VPS26C: variants seen among roughly 807,000 people sequenced by gnomAD.
The protein encoded by VPS26C is VPS26 endosomal protein sorting factor C, also known as vacuolar protein sorting-associated protein 26C.
In VPS26C, 19 loss-of-function variants were observed where a neutral mutation model predicts 30.6. The observed-to-expected ratio is 0.62, with a 90% CI of 0.43 to 0.91. VPS26C has a LOEUF of 0.91. VPS26C is among the 40% of genes least tolerant of loss of function. The pLI, the probability that VPS26C is intolerant of heterozygous loss-of-function variation, is 0.00. For missense variants in VPS26C, 318 were observed against 385.1 expected, an observed-to-expected ratio of 0.83 and a Z score of 1.46; for synonymous variants, 132 against 151.5, an observed-to-expected ratio of 0.87 and a Z score of 0.95.
chr21:37,251,153 G>A (rs79088352), intron 1 of VPS26C, among the ~76,000 whole-genome samples: 2,263 of 152,268 alleles, frequency 0.015, 57 homozygotes, highest in African/African-American at 0.052. Flanking sequence ...AACCTGAAAT[G>A]TTGCAACCTC....
At chr21:37,225,720 C>T (rs1034505337) in intron 7 of VPS26C, 94 bp from the exon 8 acceptor site, 9 of 1,049,752 alleles carry the variant, frequency 8.6e-6, no homozygotes, top group Admixed American at 1.9e-5. Flanking sequence ...GCTCTAACGG[C>T]GAAGGAGCAC....
Position 37,226,041 on chromosome 21 carries a change from T to G in VPS26C, c.812-415A>C. The stretch of plus-strand genomic sequence containing the variant: ...ACCAGCGCATAGCTGTCTGGGCCCA[T>G]GTCCCCAATCCCCAGGTGAGAAACA... On this transcript the variant is annotated intron_variant, in intron 7 of 7. Coordinates refer to ENST00000309117, the MANE Select transcript of VPS26C (RefSeq NM_006052.2). The surrounding 1 kb of genome is among the most constrained non-coding windows in gnomAD (Gnocchi z 4.1). The G allele has an allele frequency of 1.1e-5, 2 of 183,138 alleles. No homozygotes were observed. Among genetic ancestry groups the G allele is most frequent in the Non-Finnish European group, 2.3e-5 (2 of 85,128 alleles). 11.3% of individuals were successfully genotyped at this position (183,138 alleles called of 1,614,324 possible). A position where few individuals can be genotyped will look rare whatever the true frequency, so the allele number is the denominator to read the frequency against.
chr21:37,266,464 A>C (rs1009689281), intron 1 of VPS26C, among the ~76,000 whole-genome samples: 3 of 152,128 alleles, frequency 2.0e-5, no homozygotes, highest in African/African-American at 7.2e-5. Context: ...TATCGCTGGG[A>C]GTGGAACCCA....
Position 37,223,645 on chromosome 21 carries a change from T to C in VPS26C, c.*1899A>G, listed in dbSNP as rs150633047. ...AATGTCAGGTGAGCATAAAAGGAGA[T>C]TATAAACCAGAAATGTGTTTTCTGG... On this transcript the variant is annotated 3_prime_UTR_variant, in exon 8 of 8. Transcript: ENST00000309117. 174 of 152,342 alleles carry C rather than the reference T, an allele frequency of 1.1e-3. No individual in the cohort carries two copies. Among genetic ancestry groups the C allele is most frequent in the African/African-American group, 4.1e-3 (169 of 41,576 alleles). The allele number at this position is 152,342 out of a possible 1,614,324, so 9.4% of individuals were successfully genotyped here.
At chr21:37,258,970 A>C (rs1358577108) in intron 1 of VPS26C, among the ~76,000 whole-genome samples, 1 of 152,228 alleles carries the variant, frequency 6.6e-6, no homozygotes, top group Non-Finnish European at 1.5e-5. Flanking sequence ...AGTTTAGGTT[A>C]TGATTTAACA....
chr21:37,241,902 T>C (rs1420294819), intron 1 of VPS26C, among the ~76,000 whole-genome samples: 2 of 152,244 alleles, frequency 1.3e-5, no homozygotes, highest in African/African-American at 4.8e-5. Flanking sequence ...TTAAATCTGC[T>C]TATCTTTTAT....
intron 1 of VPS26C, among the ~76,000 whole-genome samples, chr21:37,258,325 C>A (rs888530905): frequency 1.3e-5 from 2 of 151,806 alleles, no homozygotes; most frequent in Non-Finnish European, 2.9e-5. Context: ...GTCTCCGTGC[C>A]CTGCCATTCA....
chr21:37,235,084 G>A (rs989671346), intron 3 of VPS26C, among the ~76,000 whole-genome samples: 1 of 151,758 alleles, frequency 6.6e-6, no homozygotes, highest in Non-Finnish European at 1.5e-5. Context: ...TCGGCTCACT[G>A]CAAACTCTGC....
intron 3 of VPS26C, among the ~76,000 whole-genome samples, chr21:37,235,399 G>T (rs2086009663): frequency 6.6e-6 from 1 of 152,200 alleles, no homozygotes; most frequent in Admixed American, 6.5e-5. Flanking sequence ...CTCCCAAACT[G>T]CTGGGATTAC....
chr21:37,258,223 C>T (rs966881213), intron 1 of VPS26C, among the ~76,000 whole-genome samples: 1 of 152,236 alleles, frequency 6.6e-6, no homozygotes, highest in Non-Finnish European at 1.5e-5. Context: ...GCACCGATTG[C>T]GCAGGAGGCA....
At position 37,225,480 on chromosome 21, in the gene VPS26C, G is replaced by A. The variant is rs2085889014; in HGVS notation, c.*64C>T. The A allele has an allele frequency of 7.0e-7, 1 of 1,422,532 alleles. No homozygotes were observed. The highest frequency in any genetic ancestry group is 1.2e-5 in the South Asian group (1 of 86,882). 88.1% of individuals were successfully genotyped at this position (1,422,532 alleles called of 1,614,324 possible). A position where few individuals can be genotyped will look rare whatever the true frequency, so the allele number is the denominator to read the frequency against. On this transcript the variant is annotated 3_prime_UTR_variant, in exon 8 of 8. Transcript: ENST00000309117. ...TGCCGCTGGCTGTAGCTCCCCTTAG[G>A]ATTTGGATAACCAGCTGGATTTCCA...
chr21:37,238,968 G>A (rs1033226548), intron 2 of VPS26C, among the ~76,000 whole-genome samples: 1 of 152,188 alleles, frequency 6.6e-6, no homozygotes, highest in Non-Finnish European at 1.5e-5. Flanking sequence ...CAGGGTTGAC[G>A]TGTGAACCCA....
intron 1 of VPS26C, among the ~76,000 whole-genome samples, chr21:37,253,866 A>G (rs1456737996): frequency 6.6e-6 from 1 of 152,216 alleles, no homozygotes; most frequent in Non-Finnish European, 1.5e-5. Flanking sequence ...CTCAACCATT[A>G]AATATCTACA....
chr21:37,248,461 T>C (rs1369358996), intron 1 of VPS26C, among the ~76,000 whole-genome samples: 1 of 151,944 alleles, frequency 6.6e-6, no homozygotes, highest in Non-Finnish European at 1.5e-5. Context: ...TAAAAGATAA[T>C]ATTCAACACT....
intron 1 of VPS26C, among the ~76,000 whole-genome samples, chr21:37,265,852 G>A (rs1165091654): frequency 6.7e-6 from 1 of 150,014 alleles, no homozygotes. Flanking sequence ...GTTCATTGTT[G>A]TGCTTGGCTA....
chr21:37,246,723 T>C (rs1177948681), intron 1 of VPS26C, among the ~76,000 whole-genome samples: 1 of 152,190 alleles, frequency 6.6e-6, no homozygotes, highest in Non-Finnish European at 1.5e-5. Flanking sequence ...GGCTTTCCCA[T>C]CTTTGATGGC....
chr21:37,261,083 A>G (rs947602043), intron 1 of VPS26C: 5 of 152,250 alleles, frequency 3.3e-5, no homozygotes, highest in Non-Finnish European at 5.9e-5. Flanking sequence ...ATACAAAGAT[A>G]AACAAAACCA....
chr21:37,241,125 G>A (rs1481714989), intron 1 of VPS26C, among the ~76,000 whole-genome samples: 2 of 152,188 alleles, frequency 1.3e-5, no homozygotes, highest in African/African-American at 4.8e-5. Flanking sequence ...AATTTAACAC[G>A]ATGGTTAGCC....
At chr21:37,227,451 C>T in intron 7 of VPS26C, 1 of 599,374 alleles carries the variant, frequency 1.7e-6, no homozygotes, top group Non-Finnish European at 2.9e-6. Context: ...TGGGTGTGTC[C>T]CCTGTGCGGC....
Sources: allele counts gnomAD v4.1 joint callset (sites outside exome capture counted in the v4.1 genomes callset), GRCh38; gene constraint gnomAD v4.1.1; non-coding constraint Gnocchi (gnomAD v3.1); transcripts MANE v1.5; gene names NCBI Gene and HGNC (gene_info 2026-07-23, HGNC 2026-07-21).